Variants in USO1 observed in about 807,000 individuals in gnomAD.
The protein encoded by USO1 is general vesicular transport factor p115.
Under a neutral mutation model 124.5 loss-of-function variants are expected in USO1, and 57 were observed. The ratio of observed to expected loss-of-function variants is 0.46; its 90% CI spans 0.37 to 0.57. USO1 has a LOEUF of 0.57. Ranked by LOEUF, USO1 falls within the 20% of genes least tolerant of loss-of-function variation. The probability of loss-of-function intolerance (pLI) is 0.00; values close to 1 mark genes in which losing one functional copy is unlikely to be tolerated. For synonymous variants in USO1, 369 were observed against 362.8 expected (o/e 1.02, Z -0.19); for missense variants, 900 against 1,040.6 (o/e 0.86, Z 1.86).
At chr4:75,746,711 AG>A (rs1483549509) in intron 1 of USO1, among the ~76,000 whole-genome samples, 1 of 152,226 alleles carries the variant, frequency 6.6e-6, no homozygotes, top group Non-Finnish European at 1.5e-5. Context: ...GAATATTGTT[AG>A]GAGGTAATAA....
chr4:75,744,932 G>A (rs1721079843), intron 1 of USO1: 1 of 506,318 alleles, frequency 2.0e-6, no homozygotes. Context: ...ATTTCTAGAA[G>A]TTGAATTCCA....
intron 1 of USO1, among the ~76,000 whole-genome samples, chr4:75,740,856 T>G (rs1420702001): frequency 6.6e-6 from 1 of 152,228 alleles, no homozygotes; most frequent in Non-Finnish European, 1.5e-5. Flanking sequence ...TCCTTCACAG[T>G]CTTACTTCGC....
At chr4:75,777,842 C>T (rs1319545145) in intron 8 of USO1, among the ~76,000 whole-genome samples, 1 of 152,020 alleles carries the variant, frequency 6.6e-6, no homozygotes, top group Admixed American at 6.6e-5. Context: ...TGGTATTTAC[C>T]CAAATTAGTT....
intron 8 of USO1, among the ~76,000 whole-genome samples, chr4:75,775,567 C>A (rs749362845): frequency 1.3e-5 from 2 of 151,980 alleles, no homozygotes; most frequent in Non-Finnish European, 2.9e-5. Context: ...ATAAGGGCCC[C>A]ATTAAGGGTA....
At chr4:75,734,198 C>T (rs1437892834) in intron 1 of USO1, among the ~76,000 whole-genome samples, 4 of 152,174 alleles carry the variant, frequency 2.6e-5, no homozygotes, top group Non-Finnish European at 1.5e-5. Context: ...CCCACCTTGA[C>T]CTCCCAAAGT....
At chr4:75,762,642 T>C (rs2149162487) in intron 4 of USO1, among the ~76,000 whole-genome samples, 1 of 152,250 alleles carries the variant, frequency 6.6e-6, no homozygotes, top group Admixed American at 6.5e-5. Flanking sequence ...AGTATACATG[T>C]ACCTGGCCAG....
intron 20 of USO1, among the ~76,000 whole-genome samples, chr4:75,808,739 AT>A (rs10683487): frequency 1.7e-4 from 24 of 141,606 alleles, no homozygotes; most frequent in African/African-American, 2.1e-4. Context: ...GTCTTTTATG[AT>A]TTTTTTTTTT....
At chr4:75,730,776 A>AT (rs1245151567) in intron 1 of USO1, among the ~76,000 whole-genome samples, 2 of 151,352 alleles carry the variant, frequency 1.3e-5, no homozygotes, top group African/African-American at 2.4e-5. Flanking sequence ...TGCCATAAAC[A>AT]TTTTTTGTGT....
At chr4:75,726,110 C>T (rs1433498397) in intron 1 of USO1, among the ~76,000 whole-genome samples, 1 of 151,974 alleles carries the variant, frequency 6.6e-6, no homozygotes, top group Non-Finnish European at 1.5e-5. Context: ...GGAGAAACCC[C>T]GTCTCTACTA....
At chr4:75,791,517 G>GAC (rs1722533584) in intron 12 of USO1, among the ~76,000 whole-genome samples, 4 of 152,064 alleles carry the variant, frequency 2.6e-5, no homozygotes, top group Admixed American at 2.0e-4. Flanking sequence ...GAGAGAGACT[G>GAC]TGCCTCAAAA....
chr4:75,807,273 T>C (rs1257066883), intron 20 of USO1, among the ~76,000 whole-genome samples: 8 of 152,168 alleles, frequency 5.3e-5, no homozygotes. Flanking sequence ...ATATTATCCC[T>C]AAACAGGTTC....
intron 19 of USO1, 26 bp downstream of exon 19, chr4:75,805,329 A>C: frequency 6.5e-7 from 1 of 1,544,804 alleles, no homozygotes; most frequent in Non-Finnish European, 8.7e-7. Context: ...AAGAAGTTAA[A>C]ATAAGAGTTC....
intron 4 of USO1, 111 bp from the exon 5 acceptor site, chr4:75,770,328 G>A: frequency 3.0e-6 from 3 of 995,524 alleles, no homozygotes; most frequent in Non-Finnish European, 4.2e-6. Context: ...CACTGTTCCA[G>A]TGTTGAATTG....
intron 4 of USO1, among the ~76,000 whole-genome samples, chr4:75,759,910 TA>T (rs756261195): frequency 0.027 from 3,098 of 116,248 alleles, 30 homozygotes; most frequent in African/African-American, 0.052. Flanking sequence ...GACTCTGTCT[TA>T]AAAAAAAAAA....
At chr4:75,733,994 A>G (rs1460508878) in intron 1 of USO1, among the ~76,000 whole-genome samples, 1 of 120,132 alleles carries the variant, frequency 8.3e-6, no homozygotes, top group African/African-American at 3.3e-5. Context: ...CCCAGGCTGG[A>G]GTGAGTGCAA....
intron 10 of USO1, among the ~76,000 whole-genome samples, chr4:75,788,075 AT>A (rs1229833839): frequency 6.6e-6 from 1 of 150,754 alleles, no homozygotes; most frequent in Non-Finnish European, 1.5e-5. Context: ...TGTCCTGGGA[AT>A]TTTTTTTGCC....
At chr4:75,811,417 C>A (rs190824162) in intron 22 of USO1, among the ~76,000 whole-genome samples, 40 of 152,094 alleles carry the variant, frequency 2.6e-4, no homozygotes, top group Admixed American at 5.9e-4. Flanking sequence ...TGGCCCCCCC[C>A]AAAGTGCTGG....
chr4:75,791,263 C>T (rs1722523672), intron 12 of USO1, among the ~76,000 whole-genome samples: 1 of 152,226 alleles, frequency 6.6e-6, no homozygotes, highest in Non-Finnish European at 1.5e-5. Flanking sequence ...GTGGCTCACG[C>T]CCGTAATCCC....
chr4:75,757,440 C>A lies in USO1; in HGVS notation c.219-57C>A. 6 of 1,366,322 alleles carry A rather than the reference C, an allele frequency of 4.4e-6. No homozygotes were observed. The South Asian group carries it at 8.2e-5, about 19-fold the overall frequency. The allele number at this position is 1,366,322 out of a possible 1,614,324, so 84.6% of individuals were successfully genotyped here. A position where few individuals can be genotyped will look rare whatever the true frequency, so the allele number is the denominator to read the frequency against. On this transcript the variant is annotated intron_variant, in intron 3 of 23. Coordinates refer to ENST00000514213, the MANE Select transcript of USO1 (RefSeq NM_003715.4). ...AAATTGCTAAATAACTAAAAATGGT[C>A]ATAACAGTTTATACTCTCATCAGCA...
Sources: allele counts gnomAD v4.1 joint callset (sites outside exome capture counted in the v4.1 genomes callset), GRCh38; gene constraint gnomAD v4.1.1; transcripts MANE v1.5; gene names NCBI Gene and HGNC (gene_info 2026-07-23, HGNC 2026-07-21).